Variants in WDR70 observed in about 807,000 individuals in gnomAD.
WDR70 encodes WD repeat-containing protein 70.
WDR70 carries 53 observed loss-of-function variants against 88.6 expected under a neutral mutation model. The observed-to-expected ratio is 0.60, with a 90% CI of 0.48 to 0.75. The LOEUF is 0.75. Ranked by LOEUF, WDR70 falls within the 30% of genes least tolerant of loss-of-function variation. The probability of loss-of-function intolerance (pLI) is 0.00; values close to 1 mark genes in which losing one functional copy is unlikely to be tolerated. For synonymous variants in WDR70, 280 were observed against 270.0 expected, an observed-to-expected ratio of 1.04 and a Z score of -0.36; for missense variants, 610 against 823.2, an observed-to-expected ratio of 0.74 and a Z score of 3.17.
At chr5:37,655,518 T>C (rs1331455020) in intron 10 of WDR70, among the ~76,000 whole-genome samples, 1 of 152,144 alleles carries the variant, frequency 6.6e-6, no homozygotes, top group Non-Finnish European at 1.5e-5. Flanking sequence ...CTGGATAACA[T>C]CCTGAAGAGT....
intron 8 of WDR70, chr5:37,506,145 A>T: frequency 1.9e-6 from 2 of 1,074,366 alleles, no homozygotes; most frequent in South Asian, 2.5e-5. Context: ...TTTGAAGTTA[A>T]TGTATCGAAG....
chr5:37,663,403 T>C (rs1164385483), intron 10 of WDR70, among the ~76,000 whole-genome samples: 2 of 152,204 alleles, frequency 1.3e-5, no homozygotes, highest in African/African-American at 4.8e-5. Flanking sequence ...ATCCCAGTAA[T>C]ATGATTTCCT....
intron 5 of WDR70, among the ~76,000 whole-genome samples, chr5:37,404,443 A>G (rs1396880325): frequency 6.6e-6 from 1 of 152,226 alleles, no homozygotes; most frequent in African/African-American, 2.4e-5. Flanking sequence ...GCTCAGAGTT[A>G]ATATATTTTG....
At chr5:37,557,964 ATATT>A (rs1267029413) in intron 9 of WDR70, among the ~76,000 whole-genome samples, 2 of 994 alleles carry the variant, frequency 2.0e-3, no homozygotes, top group East Asian at 0.026. Flanking sequence ...AGTATTATGT[ATATT>A]TATTATGTAT....
chr5:37,677,175 C>A (rs1223993230), intron 10 of WDR70, among the ~76,000 whole-genome samples: 1 of 152,046 alleles, frequency 6.6e-6, no homozygotes, highest in Non-Finnish European at 1.5e-5. Context: ...TTGATCCTTT[C>A]AAAAAATCAG....
At chr5:37,441,238 T>C (rs534559177) in intron 6 of WDR70, among the ~76,000 whole-genome samples, 39 of 152,350 alleles carry the variant, frequency 2.6e-4, no homozygotes, top group Admixed American at 2.2e-3. Flanking sequence ...AAACTACTAT[T>C]CATTTATTTT....
intron 8 of WDR70, among the ~76,000 whole-genome samples, chr5:37,509,615 G>A (rs1420959434): frequency 6.6e-6 from 1 of 152,108 alleles, no homozygotes; most frequent in Non-Finnish European, 1.5e-5. Flanking sequence ...TGAATTTTCT[G>A]TGTGCACTTG....
intron 17 of WDR70, among the ~76,000 whole-genome samples, chr5:37,741,336 T>G (rs1168615779): frequency 6.6e-6 from 1 of 152,048 alleles, no homozygotes; most frequent in Non-Finnish European, 1.5e-5. Context: ...ATATAGTTCA[T>G]TAGTGTTAAG....
Position 37,679,249 on chromosome 5 carries a change from G to A in WDR70, c.1093-18406G>A, listed in dbSNP as rs139880018. 3.3e-3 allele frequency among the ~76,000 whole-genome samples: 502 copies of A among 152,262 alleles called. 5 individuals carry two copies. Among genetic ancestry groups the A allele is most frequent in the African/African-American group, 0.011 (462 of 41,552 alleles). On this transcript the variant is annotated intron_variant, in intron 10 of 17. Coordinates refer to ENST00000265107, the MANE Select transcript of WDR70 (RefSeq NM_018034.4). ...TCTCAACTCGTCAGTGTCATTCTCC[G>A]TCCAGCTTTGTTCCATTGCTGGTGA...
chr5:37,543,328 A>T (rs554618962), intron 9 of WDR70, among the ~76,000 whole-genome samples: 56 of 152,358 alleles, frequency 3.7e-4, no homozygotes, highest in Middle Eastern at 3.4e-3. Flanking sequence ...AAACTGATAC[A>T]GTGATATTAC....
intron 17 of WDR70, among the ~76,000 whole-genome samples, chr5:37,728,324 G>T (rs1176366168): frequency 6.8e-6 from 1 of 147,288 alleles, no homozygotes; most frequent in Non-Finnish European, 1.5e-5. Context: ...CTCTAACCTA[G>T]GTGACAGAGT....
intron 7 of WDR70, among the ~76,000 whole-genome samples, chr5:37,476,081 T>C (rs11747633): frequency 0.86 from 129,964 of 151,962 alleles, 59,179 homozygotes; most frequent in East Asian, 1. Flanking sequence ...AAATTCCCAA[T>C]CTCAGGTGAT....
At chr5:37,526,477 A>G (rs751568023) in intron 9 of WDR70, among the ~76,000 whole-genome samples, 4 of 152,206 alleles carry the variant, frequency 2.6e-5, no homozygotes, top group Non-Finnish European at 4.4e-5. Context: ...TTGATGGGAC[A>G]TATCTCTAAA....
intron 10 of WDR70, among the ~76,000 whole-genome samples, chr5:37,611,777 C>T (rs1168564124): frequency 7.8e-6 from 1 of 128,560 alleles, no homozygotes; most frequent in African/African-American, 3.1e-5. Context: ...ATTTTGATTT[C>T]AGCCTTTTTT....
chr5:37,516,725 A>ATTTT (rs71904509), intron 9 of WDR70, 135 bp downstream of exon 9: 62 of 128,052 alleles, frequency 4.8e-4, no homozygotes, highest in South Asian at 8.0e-4. Context: ...ATATATATAT[A>ATTTT]TTTTTTTTTT....
chr5:37,652,863 A>G (rs537007094), intron 10 of WDR70, among the ~76,000 whole-genome samples: 4 of 152,190 alleles, frequency 2.6e-5, no homozygotes, highest in Non-Finnish European at 4.4e-5. Flanking sequence ...GGTTTTTTAA[A>G]TATACAATCT....
At chr5:37,678,905 A>G (rs1746326271) in intron 10 of WDR70, among the ~76,000 whole-genome samples, 1 of 152,306 alleles carries the variant, frequency 6.6e-6, no homozygotes, top group Middle Eastern at 3.4e-3. Flanking sequence ...ACATAGTCCC[A>G]TATTTCTTGG....
chr5:37,583,664 C>T (rs1431245546), intron 9 of WDR70, among the ~76,000 whole-genome samples: 1 of 150,168 alleles, frequency 6.7e-6, no homozygotes, highest in East Asian at 2.0e-4. Context: ...CTATGACACG[C>T]AGTCATAGTA....
At chr5:37,494,276 G>T (rs1473017994) in intron 8 of WDR70, among the ~76,000 whole-genome samples, 1 of 152,196 alleles carries the variant, frequency 6.6e-6, no homozygotes, top group East Asian at 1.9e-4. Context: ...AGGGCCTTCA[G>T]TAGAATTGTA....
Sources: gnomAD v4.1 joint callset for allele counts (sites outside exome capture counted in the v4.1 genomes callset) on GRCh38, gnomAD v4.1.1 for gene constraint, MANE v1.5 for transcripts, NCBI Gene and HGNC (gene_info 2026-07-23, HGNC 2026-07-21) for gene names.